The following SGCZ variants were observed in gnomAD, a reference collection of about 807,000 sequenced individuals.
SGCZ encodes the protein sarcoglycan zeta.
Under a neutral mutation model 41.3 loss-of-function variants are expected in SGCZ, and 40 were observed. That is an observed-to-expected ratio of 0.97 (90% CI 0.75 to 1.26). The LOEUF (loss-of-function observed/expected upper bound fraction) is 1.26, where lower values mean the gene tolerates loss of function less well. Among genes scored for constraint, SGCZ ranks in the 50% most tolerant of loss-of-function variants. SGCZ has a pLI of 0.00. For synonymous variants in SGCZ, 206 were observed against 137.5 expected (o/e 1.50, Z -3.49); for missense variants, 552 against 369.8 (o/e 1.49, Z -4.04).
intron 2 of SGCZ, among the ~76,000 whole-genome samples, chr8:14,456,378 A>T (rs1407274920): frequency 2.6e-5 from 4 of 152,224 alleles, no homozygotes; most frequent in African/African-American, 9.6e-5. Flanking sequence ...ATTGCACTCC[A>T]GCCTGCGCAA....
chr8:14,335,470 T>C, intron 2 of SGCZ, among the ~76,000 whole-genome samples: 1 of 152,110 alleles, frequency 6.6e-6, no homozygotes, highest in Non-Finnish European at 1.5e-5. Flanking sequence ...AATCACCCAT[T>C]TGGAAAATAT....
At chr8:14,270,243 A>G (rs1310477035) in intron 3 of SGCZ, among the ~76,000 whole-genome samples, 1 of 152,094 alleles carries the variant, frequency 6.6e-6, no homozygotes, top group Non-Finnish European at 1.5e-5. Flanking sequence ...GAGGCAGGAG[A>G]ATCACTAGAA....
intron 1 of SGCZ, among the ~76,000 whole-genome samples, chr8:14,891,886 G>A (rs955179910): frequency 6.6e-6 from 1 of 152,140 alleles, no homozygotes; most frequent in Non-Finnish European, 1.5e-5. Context: ...GCTCACTGAA[G>A]GCTCAGATGG....
At position 15,237,567 on chromosome 8, in the gene SGCZ, G is replaced by A. The variant is rs74672231; in HGVS notation, c.39+18C>T. On this transcript the variant is annotated intron_variant, in intron 1 of 7. Transcript: ENST00000382080. ...GCGCCGAGAAGCGGCCGCGAAGCCCGCCCGGACCCGCACGTACCTTGAGCT... is the reference window on the plus strand; with the variant it reads ...GCGCCGAGAAGCGGCCGCGAAGCCCACCCGGACCCGCACGTACCTTGAGCT... 0.058 allele frequency: 91,986 copies of A among 1,584,814 alleles called. 3,129 individuals carry two copies. Among genetic ancestry groups the A allele is most frequent in the Non-Finnish European group, 0.066 (76,883 of 1,163,330 alleles).
chr8:14,908,373 C>T (rs908984424), intron 1 of SGCZ, among the ~76,000 whole-genome samples: 3 of 152,072 alleles, frequency 2.0e-5, no homozygotes, highest in African/African-American at 4.8e-5. Context: ...AGGCACATGG[C>T]AGAGTCTCCA....
At chr8:14,090,974 C>T (rs1801672220) in intron 7 of SGCZ, among the ~76,000 whole-genome samples, 1 of 151,746 alleles carries the variant, frequency 6.6e-6, no homozygotes, top group South Asian at 2.1e-4. Context: ...TTAAAAAATC[C>T]CATAGATTTC....
chr8:14,687,448 G>C (rs1274166238), intron 1 of SGCZ, among the ~76,000 whole-genome samples: 3 of 151,060 alleles, frequency 2.0e-5, no homozygotes, highest in African/African-American at 7.3e-5. Flanking sequence ...TGCGGTGTTT[G>C]GTTTTTTGTC....
At chr8:14,633,237 T>C (rs779923517) in intron 1 of SGCZ, among the ~76,000 whole-genome samples, 7 of 151,986 alleles carry the variant, frequency 4.6e-5, no homozygotes, top group Non-Finnish European at 7.4e-5. Context: ...TTTTATTCTG[T>C]ATATAGACAG....
intron 2 of SGCZ, among the ~76,000 whole-genome samples, chr8:14,527,413 C>T (rs972128110): frequency 1.1e-4 from 17 of 152,212 alleles, no homozygotes; most frequent in African/African-American, 3.4e-4. Context: ...GCAGTCCTTC[C>T]GCCTCAGCCT....
At chr8:15,141,234 C>A (rs563701000) in intron 1 of SGCZ, among the ~76,000 whole-genome samples, 1 of 152,328 alleles carries the variant, frequency 6.6e-6, no homozygotes, top group South Asian at 2.1e-4. Context: ...CCACATAATA[C>A]CAGGGACTGG....
intron 1 of SGCZ, among the ~76,000 whole-genome samples, chr8:14,751,097 G>T (rs2130316521): frequency 6.6e-6 from 1 of 152,204 alleles, no homozygotes. Flanking sequence ...CAGATTCCAA[G>T]ATATCTTTCT....
chr8:14,698,555 G>C (rs1463295893), intron 1 of SGCZ, among the ~76,000 whole-genome samples: 1 of 151,768 alleles, frequency 6.6e-6, no homozygotes, highest in Non-Finnish European at 1.5e-5. Context: ...GAGACAAAAT[G>C]CTTTTCCAGA....
intron 5 of SGCZ, among the ~76,000 whole-genome samples, chr8:14,160,053 A>G (rs1291407498): frequency 6.6e-6 from 1 of 152,200 alleles, no homozygotes; most frequent in Non-Finnish European, 1.5e-5. Flanking sequence ...GGCACTGGGT[A>G]GATGCAGAGT....
intron 1 of SGCZ, among the ~76,000 whole-genome samples, chr8:14,800,851 T>C (rs1216746509): frequency 1.3e-5 from 2 of 151,984 alleles, no homozygotes; most frequent in Non-Finnish European, 2.9e-5. Context: ...AAATTCAAAA[T>C]ATAGAGGTGG....
chr8:14,600,245 G>T (rs771483179), intron 1 of SGCZ, among the ~76,000 whole-genome samples: 5 of 151,990 alleles, frequency 3.3e-5, no homozygotes, highest in Admixed American at 2.0e-4. Flanking sequence ...ATTCACCCAG[G>T]CTCTACTCCC....
At chr8:14,977,619 T>C (rs1179404324) in intron 1 of SGCZ, among the ~76,000 whole-genome samples, 4 of 151,914 alleles carry the variant, frequency 2.6e-5, no homozygotes, top group Admixed American at 2.6e-4. Context: ...TACAGGAAAA[T>C]AAAGGCTTAA....
At chr8:14,678,448 T>C (rs977506716) in intron 1 of SGCZ, among the ~76,000 whole-genome samples, 1 of 152,204 alleles carries the variant, frequency 6.6e-6, no homozygotes. Flanking sequence ...CTCCACATTA[T>C]ATATCATCAG....
intron 1 of SGCZ, among the ~76,000 whole-genome samples, chr8:14,939,234 G>C (rs1041368995): frequency 2.6e-5 from 4 of 152,064 alleles, no homozygotes; most frequent in Admixed American, 6.6e-5. Context: ...TCCTGACCCA[G>C]ATCTAGGGTA....
chr8:15,156,484 T>G (rs1799334085), intron 1 of SGCZ, among the ~76,000 whole-genome samples: 1 of 152,190 alleles, frequency 6.6e-6, no homozygotes, highest in Admixed American at 6.5e-5. Flanking sequence ...AGAACATACC[T>G]GAAAAGCTGC....
Sources: allele counts gnomAD v4.1 joint callset (sites outside exome capture counted in the v4.1 genomes callset), GRCh38; gene constraint gnomAD v4.1.1; transcripts MANE v1.5; gene names NCBI Gene and HGNC (gene_info 2026-07-23, HGNC 2026-07-21).